The following SYNPO2 variants were observed in gnomAD, a reference collection of about 807,000 sequenced individuals.
SYNPO2 encodes the protein synaptopodin 2.
A neutral mutation model predicts 85.0 loss-of-function variants in SYNPO2; 56 were observed. That is an observed-to-expected ratio of 0.66 (90% CI 0.53 to 0.82). The LOEUF is 0.82. Ranked by LOEUF, SYNPO2 falls within the 40% of genes least tolerant of loss-of-function variation. The pLI is 0.00. For synonymous variants in SYNPO2, 602 were observed against 591.1 expected (o/e 1.02, Z -0.27); for missense variants, 1,575 against 1,534.2 (o/e 1.03, Z -0.44).
intron 1 of SYNPO2, among the ~76,000 whole-genome samples, chr4:118,999,981 C>T (rs1736766442): frequency 6.6e-6 from 1 of 152,142 alleles, no homozygotes; most frequent in Non-Finnish European, 1.5e-5. Flanking sequence ...TAGGGAAAGG[C>T]CCTTTAAACA....
At chr4:119,040,225 G>C (rs1024212910) in intron 4 of SYNPO2, among the ~76,000 whole-genome samples, 1 of 152,146 alleles carries the variant, frequency 6.6e-6, no homozygotes, top group Non-Finnish European at 1.5e-5. Context: ...TTCCAATGAG[G>C]AAAACACAAT....
At chr4:118,954,077 C>T (rs893427372) in intron 1 of SYNPO2, among the ~76,000 whole-genome samples, 2 of 152,164 alleles carry the variant, frequency 1.3e-5, no homozygotes, top group Non-Finnish European at 2.9e-5. Context: ...CCTAATTTCT[C>T]TTAACATTGG....
chr4:118,887,166 AGT>A (rs71595329), upstream of SYNPO2, among the ~76,000 whole-genome samples: 18,081 of 138,654 alleles, frequency 0.13, 1,201 homozygotes, highest in Middle Eastern at 0.23. Context: ...CATCTGAGTG[AGT>A]GTGTGTGTGT....
intron 1 of SYNPO2, among the ~76,000 whole-genome samples, chr4:118,982,484 A>C (rs1245989957): frequency 2.6e-5 from 4 of 152,126 alleles, no homozygotes. Context: ...AATCCAGATG[A>C]ATGAGAGAAA....
At chr4:119,038,157 A>T in intron 4 of SYNPO2, 1 of 985,228 alleles carries the variant, frequency 1.0e-6, no homozygotes, top group Non-Finnish European at 1.2e-6. Context: ...GTCTCATCAG[A>T]CCCCGGAATT....
chr4:118,895,957 C>A (rs1382061956), intron 1 of SYNPO2, among the ~76,000 whole-genome samples: 1 of 152,024 alleles, frequency 6.6e-6, no homozygotes, highest in African/African-American at 2.4e-5. Flanking sequence ...TATATGTTAT[C>A]TCTTTTAATA....
At chr4:118,893,272 G>A (rs1161662346) in intron 1 of SYNPO2, among the ~76,000 whole-genome samples, 1 of 152,124 alleles carries the variant, frequency 6.6e-6, no homozygotes, top group Non-Finnish European at 1.5e-5. Context: ...TTTAAGGGAG[G>A]TTTCTGAAAG....
chr4:119,051,189 T>G lies in SYNPO2; in HGVS notation c.3253-6212T>G, dbSNP rs1188690538. On this transcript the variant is annotated intron_variant, in intron 4 of 4. Transcript: ENST00000307142. ...TGGGGTAAAGCCATGGGAAGCAATT[T>G]TTTTTTTTTTTTTTTTTTGAGACGG... is the stretch of plus-strand genomic sequence containing the variant. Among the ~76,000 whole-genome samples the G allele has an allele frequency of 1.5e-5, 2 of 134,408 alleles. 1 individual carries two copies. The highest frequency in any genetic ancestry group is 4.3e-4 in the East Asian group (2 of 4,640). The allele number at this position is 134,408 out of a possible 152,430, so 88.2% of individuals were successfully genotyped here.
chr4:119,019,897 G>A (rs1455413762), intron 1 of SYNPO2, among the ~76,000 whole-genome samples: 1 of 152,122 alleles, frequency 6.6e-6, no homozygotes, highest in Admixed American at 6.6e-5. Context: ...CACTGATAGA[G>A]AATTGGTATC....
intron 1 of SYNPO2, among the ~76,000 whole-genome samples, chr4:118,903,854 A>G (rs746638671): frequency 4.6e-5 from 7 of 152,066 alleles, no homozygotes; most frequent in Non-Finnish European, 7.4e-5. Context: ...TGGGATTTAC[A>G]GGCACATGCC....
intron 1 of SYNPO2, among the ~76,000 whole-genome samples, chr4:118,862,857 C>T (rs1375989519): frequency 1.3e-5 from 2 of 151,870 alleles, no homozygotes; most frequent in Non-Finnish European, 2.9e-5. Context: ...GTCGCCCAGG[C>T]TAGAGTGCAG....
chr4:118,922,422 T>C (rs1272348215), intron 1 of SYNPO2, among the ~76,000 whole-genome samples: 5 of 152,142 alleles, frequency 3.3e-5, no homozygotes, highest in African/African-American at 4.8e-5. Flanking sequence ...CTTTTGGAAG[T>C]AAAATGTATT....
intron 1 of SYNPO2, among the ~76,000 whole-genome samples, chr4:118,853,449 C>A (rs967649119): frequency 6.6e-6 from 1 of 152,018 alleles, no homozygotes; most frequent in Non-Finnish European, 1.5e-5. Context: ...ATTTGATGGA[C>A]CTAAACTTGG....
intron 1 of SYNPO2, among the ~76,000 whole-genome samples, chr4:118,980,683 C>A (rs1004937255): frequency 6.6e-6 from 1 of 152,154 alleles, no homozygotes; most frequent in African/African-American, 2.4e-5. Context: ...ACTATCACAG[C>A]ATAAAGTAGC....
chr4:118,853,997 TA>T (rs1194424084), intron 1 of SYNPO2, among the ~76,000 whole-genome samples: 1 of 152,260 alleles, frequency 6.6e-6, no homozygotes, highest in East Asian at 1.9e-4. Context: ...AATGCTTTTT[TA>T]AAAAAATGCA....
chr4:119,027,128 C>T lies in SYNPO2; in HGVS notation c.759C>T (p.Phe253=). 2.5e-6 allele frequency: 4 copies of T among 1,614,176 alleles called. No individual in the cohort carries two copies. The highest frequency in any genetic ancestry group is 3.4e-6 in the Non-Finnish European group (4 of 1,180,038). The change falls in exon 3 of 5, where the codon TTC becomes TTT. Residue 253 remains phenylalanine, a synonymous_variant. Transcript: ENST00000307142. Reference sequence around the variant, plus strand: ...CTACTAATGAGAAAGCAGACCCTTTCCTGAGGTCCAGCAAGATAATCCAGA... The same window carrying T: ...CTACTAATGAGAAAGCAGACCCTTTTCTGAGGTCCAGCAAGATAATCCAGA... ...SIPTNEKADP[F]LRSSKIIQIS...
At chr4:119,054,139 A>T (rs959374870) in intron 4 of SYNPO2, among the ~76,000 whole-genome samples, 4 of 152,236 alleles carry the variant, frequency 2.6e-5, no homozygotes, top group African/African-American at 7.2e-5. Flanking sequence ...TGAGTGTGGG[A>T]TCTGGCTGGC....
chr4:119,035,545 A>T, intron 4 of SYNPO2: 1 of 985,444 alleles, frequency 1.0e-6, no homozygotes. Flanking sequence ...GAGCATGTCA[A>T]ACTTTGTACT....
intron 4 of SYNPO2, chr4:119,032,247 T>G: frequency 7.7e-6 from 11 of 1,425,948 alleles, no homozygotes; most frequent in Non-Finnish European, 9.1e-6. Context: ...TAAAATATAT[T>G]TATCTTCTTT....
Sources: allele counts gnomAD v4.1 joint callset (sites outside exome capture counted in the v4.1 genomes callset), GRCh38; gene constraint gnomAD v4.1.1; transcripts MANE v1.5; gene names NCBI Gene and HGNC (gene_info 2026-07-23, HGNC 2026-07-21).